Variants in TMEM163 observed in about 807,000 individuals in gnomAD.
TMEM163 encodes the protein transmembrane protein 163.
A neutral mutation model predicts 29.3 loss-of-function variants in TMEM163; 17 were observed. That is an observed-to-expected ratio of 0.58 (90% confidence interval 0.40 to 0.87). The LOEUF (loss-of-function observed/expected upper bound fraction) is 0.87. TMEM163 is among the 40% of genes least tolerant of loss of function. The pLI is 0.00. For missense variants in TMEM163, 303 were observed against 381.5 expected (o/e 0.79, Z 1.71); for synonymous variants, 157 against 160.6 (o/e 0.98, Z 0.17).
chr2:134,569,879 T>C (rs1681381841), intron 2 of TMEM163, among the ~76,000 whole-genome samples: 1 of 152,202 alleles, frequency 6.6e-6, no homozygotes, highest in Non-Finnish European at 1.5e-5. Flanking sequence ...AGTAGTGTGA[T>C]AAAATCTCAC....
intron 2 of TMEM163, among the ~76,000 whole-genome samples, chr2:134,569,428 G>C (rs908358776): frequency 6.6e-6 from 1 of 152,090 alleles, no homozygotes; most frequent in African/African-American, 2.4e-5. Flanking sequence ...TTAGGAGCGA[G>C]AGTTATGTCA....
At chr2:134,498,289 C>A (rs145258326) in intron 5 of TMEM163, among the ~76,000 whole-genome samples, 1 of 152,072 alleles carries the variant, frequency 6.6e-6, no homozygotes, top group East Asian at 1.9e-4. Flanking sequence ...ACGCATCCCC[C>A]CTTCTCCTCA....
At chr2:134,593,849 A>G (rs1386567457) in intron 2 of TMEM163, among the ~76,000 whole-genome samples, 1 of 151,812 alleles carries the variant, frequency 6.6e-6, no homozygotes, top group African/African-American at 2.4e-5. Context: ...TAACTCAGTA[A>G]GATGCCGGCT....
chr2:134,633,441 GGAA>G (rs1683025715), intron 2 of TMEM163, among the ~76,000 whole-genome samples: 2 of 152,098 alleles, frequency 1.3e-5, no homozygotes, highest in Admixed American at 6.5e-5. Flanking sequence ...TGAGGCGAGA[GGAA>G]GAACTAATCC....
chr2:134,522,867 A>T (rs1369738469), intron 4 of TMEM163, among the ~76,000 whole-genome samples: 1 of 152,216 alleles, frequency 6.6e-6, no homozygotes, highest in Non-Finnish European at 1.5e-5. Flanking sequence ...GGCGGGGGGA[A>T]AAAGATCGAA....
chr2:134,458,204 C>T (rs759019284), intron 6 of TMEM163, 31 bp from the exon 7 acceptor site: 5 of 1,610,574 alleles, frequency 3.1e-6, no homozygotes. Flanking sequence ...GGCTAGATGG[C>T]AGTGCCAAGC....
intron 4 of TMEM163, among the ~76,000 whole-genome samples, chr2:134,531,889 C>A (rs1680424222): frequency 1.3e-5 from 2 of 152,178 alleles, no homozygotes; most frequent in Non-Finnish European, 2.9e-5. Context: ...GAAGTCCTGA[C>A]CCTCTAAATT....
chr2:134,632,566 C>T (rs150906811), intron 2 of TMEM163, among the ~76,000 whole-genome samples: 1 of 152,298 alleles, frequency 6.6e-6, no homozygotes, highest in East Asian at 1.9e-4. Flanking sequence ...CAAAGTACAG[C>T]AGATGTGGTG....
At chr2:134,710,100 T>G (rs982478877) in intron 2 of TMEM163, among the ~76,000 whole-genome samples, 40 of 152,322 alleles carry the variant, frequency 2.6e-4, no homozygotes, top group African/African-American at 9.1e-4. Context: ...TGATATATTA[T>G]GTCTCCCTAA....
chr2:134,710,579 T>C (rs1305090867), intron 2 of TMEM163, among the ~76,000 whole-genome samples: 2 of 151,952 alleles, frequency 1.3e-5, no homozygotes, highest in African/African-American at 2.4e-5. Context: ...ATCTCAGCCT[T>C]GTATGTAAAT....
intron 2 of TMEM163, among the ~76,000 whole-genome samples, chr2:134,619,906 A>G (rs1682692266): frequency 6.6e-6 from 1 of 152,232 alleles, no homozygotes; most frequent in African/African-American, 2.4e-5. Flanking sequence ...TGTACAATCC[A>G]AAAATGAAAT....
intron 4 of TMEM163, among the ~76,000 whole-genome samples, chr2:134,526,997 C>T (rs1680311337): frequency 6.6e-6 from 1 of 152,198 alleles, no homozygotes. Flanking sequence ...TTAGTCTAAG[C>T]TGTAACCACT....
At chr2:134,539,819 G>C (rs544952773) in intron 4 of TMEM163, among the ~76,000 whole-genome samples, 45 of 152,312 alleles carry the variant, frequency 3.0e-4, no homozygotes, top group Non-Finnish European at 5.7e-4. Context: ...GGGAAAACAA[G>C]CCCGCAGAGA....
At chr2:134,488,195 G>A (rs1679352010) in intron 5 of TMEM163, among the ~76,000 whole-genome samples, 1 of 152,208 alleles carries the variant, frequency 6.6e-6, no homozygotes, top group African/African-American at 2.4e-5. Context: ...TATTATTCCT[G>A]GGTGTGTCTG....
At chr2:134,513,673 T>C (rs140375974) in intron 4 of TMEM163, among the ~76,000 whole-genome samples, 2,061 of 152,342 alleles carry the variant, frequency 0.014, 49 homozygotes, top group African/African-American at 0.048. Flanking sequence ...GGGCCTGACC[T>C]GCATTCATCC....
intron 2 of TMEM163, among the ~76,000 whole-genome samples, chr2:134,696,051 CA>C (rs60333876): frequency 5.0e-3 from 395 of 79,080 alleles, no homozygotes; most frequent in Admixed American, 7.0e-3. Flanking sequence ...GACACCGTCT[CA>C]AAAAAAAAAA....
intron 2 of TMEM163, among the ~76,000 whole-genome samples, chr2:134,593,874 C>A (rs923637768): frequency 6.6e-6 from 1 of 150,862 alleles, no homozygotes; most frequent in Non-Finnish European, 1.5e-5. Flanking sequence ...TGTAGCAATG[C>A]GATTAACCCC....
At chr2:134,645,927 A>G (rs1470218730) in intron 2 of TMEM163, among the ~76,000 whole-genome samples, 1 of 152,194 alleles carries the variant, frequency 6.6e-6, no homozygotes, top group African/African-American at 2.4e-5. Context: ...GTATACACTA[A>G]AAAACAAAGT....
chr2:134,485,982 C>T (rs891589190), intron 5 of TMEM163, among the ~76,000 whole-genome samples: 11 of 152,196 alleles, frequency 7.2e-5, no homozygotes, highest in Admixed American at 1.3e-4. Context: ...CTTGAAAGCA[C>T]TCGTTGGCCA....
Sources: allele counts gnomAD v4.1 joint callset (sites outside exome capture counted in the v4.1 genomes callset), GRCh38; gene constraint gnomAD v4.1.1; transcripts MANE v1.5; gene names NCBI Gene and HGNC (gene_info 2026-07-23, HGNC 2026-07-21).